The following CARD10 variants were observed in gnomAD, a reference collection of about 807,000 sequenced individuals.
The protein encoded by CARD10 is caspase recruitment domain family member 10.
A neutral mutation model predicts 114.6 loss-of-function variants in CARD10; 49 were observed. The observed-to-expected ratio is 0.43, with a 90% CI of 0.34 to 0.54. CARD10 has a LOEUF of 0.54. Among genes scored for constraint, CARD10 ranks in the 20% least tolerant of loss-of-function variants. The probability of loss-of-function intolerance (pLI) is 0.03; values close to 1 mark genes in which losing one functional copy is unlikely to be tolerated. For missense variants in CARD10, 1,206 were observed against 1,397.2 expected, an observed-to-expected ratio of 0.86 and a Z score of 2.18; for synonymous variants, 602 against 593.2, an observed-to-expected ratio of 1.01 and a Z score of -0.21.
Position 37,491,172 on chromosome 22 carries a change from C to T in CARD10, c.3086G>A (p.Ser1029Asn), listed in dbSNP as rs1311345436. The T allele has an allele frequency of 4.5e-6, 7 of 1,562,262 alleles. No homozygotes were observed. Among genetic ancestry groups the T allele is most frequent in the Non-Finnish European group, 6.1e-6 (7 of 1,154,846 alleles). ...ECGSSRGCPSSSEA is the reference protein window; with the variant it reads ...ECGSSRGCPSNSEA The stretch of plus-strand genomic sequence containing the variant: ...ATCAGATGAGCCTCAGGCCTCACTG[C>T]TGCTGGGGCAGCCTCTGCTGCTGCC... Residue 1029 changes from serine to asparagine, a missense_variant, in exon 20 of 20, where the codon AGC becomes AAC. Ser to Asn is a conservative substitution (Grantham distance 46). Transcript: ENST00000251973.
At position 37,506,322 on chromosome 22, in the gene CARD10, T is replaced by C; in HGVS notation, c.1253A>G (p.Gln418Arg). ...CAGGCCCCGCACCTGCTTGCGGTAC[T>C]GGTCCTTCTCGATGAGGCTCTGTGA... is the stretch of plus-strand genomic sequence containing the variant. ...QYSQSLIEKDQYRKQVRGLEA... is the reference protein window; with the variant it reads ...QYSQSLIEKDRYRKQVRGLEA... Residue 418 changes from glutamine (Q) to arginine (R), a missense_variant, in exon 7 of 20, where the codon CAG (glutamine) becomes CGG (arginine). By Grantham distance (43) the Gln-to-Arg change is conservative. Coordinates refer to ENST00000251973, the MANE Select transcript of CARD10 (RefSeq NM_014550.4). 6.2e-7 allele frequency: 1 copy of C among 1,609,654 alleles called. No homozygotes were observed. Among genetic ancestry groups the C allele is most frequent in the Non-Finnish European group, 8.5e-7 (1 of 1,177,922 alleles).
intron 16 of CARD10, among the ~76,000 whole-genome samples, chr22:37,493,627 T>C (rs1922886392): frequency 6.6e-6 from 1 of 151,858 alleles, no homozygotes; most frequent in African/African-American, 2.4e-5. Context: ...ACTCCCTCTC[T>C]TCCAGGAAGT....
Position 37,507,926 on chromosome 22 carries a change from A to G in CARD10, c.1094T>C (p.Leu365Pro). The change falls in exon 6 of 20, where the codon CTC becomes CCC. Residue 365 changes from leucine to proline, a missense_variant. Leu to Pro is a moderately conservative substitution (Grantham distance 98). Around this residue, in one of 2 missense-constraint regions of CARD10, gnomAD observed 1,068 missense variants for 1,179.1 expected, o/e 0.91. Coordinates refer to ENST00000251973, the MANE Select transcript of CARD10 (RefSeq NM_014550.4). ...QYLQEMEDLRLKHRTLQKDCD... is the reference protein window; with the variant it reads ...QYLQEMEDLRPKHRTLQKDCD... ...GTCCTTCTGCAGCGTGCGGTGCTTG[A>G]GCCGCAGGTCTTCCATCTCCTGCAG... 1 of 1,614,054 alleles carries G rather than the reference A, an allele frequency of 6.2e-7. No homozygotes were observed. The highest frequency in any genetic ancestry group is 8.5e-7 in the Non-Finnish European group (1 of 1,179,964).
chr22:37,513,229 G>A (rs1285361284), intron 3 of CARD10, among the ~76,000 whole-genome samples: 2 of 152,008 alleles, frequency 1.3e-5, no homozygotes, highest in Non-Finnish European at 2.9e-5. Flanking sequence ...TCCTGCCTCA[G>A]CCTCCCGAGT....
chr22:37,500,476 G>A (rs1392449496), intron 11 of CARD10, among the ~76,000 whole-genome samples: 1 of 149,836 alleles, frequency 6.7e-6, no homozygotes, highest in Non-Finnish European at 1.5e-5. Flanking sequence ...CCCAACCCCC[G>A]GTCTGCCCCA....
rs528121382 is a variant in CARD10, at chr22:37,503,978, C to G, written c.1634+208G>C. 6 of 706,366 alleles carry G rather than the reference C, an allele frequency of 8.5e-6. No homozygotes were observed. The East Asian group carries it at 1.4e-4, about 16-fold the overall frequency. The allele number at this position is 706,366 out of a possible 1,614,324, so 43.8% of individuals were successfully genotyped here. A position where few individuals can be genotyped will look rare whatever the true frequency, so the allele number is the denominator to read the frequency against. On this transcript the variant is annotated intron_variant, in intron 9 of 19. Coordinates refer to ENST00000251973, the MANE Select transcript of CARD10 (RefSeq NM_014550.4). ...GGATGCTTGGCTAGGACTGAGTTCG[C>G]TCTGCCCATCGGCCTTATCTTAAGC...
intron 5 of CARD10, 80 bp downstream of exon 5, chr22:37,508,441 CAAGCAG>C: frequency 7.3e-7 from 1 of 1,373,748 alleles, no homozygotes; most frequent in Non-Finnish European, 9.7e-7. Flanking sequence ...GCGCCTGCGT[CAAGCAG>C]ATGCTCAGGG....
chr22:37,504,447 G>A (rs1923333426), intron 8 of CARD10, 146 bp from the exon 9 acceptor site: 1 of 1,119,950 alleles, frequency 8.9e-7, no homozygotes, highest in Non-Finnish European at 1.2e-6. Context: ...TGTGCGGGTG[G>A]CTCCCCACGC....
chr22:37,506,408 C>G (rs749766189), intron 6 of CARD10, 25 bp from the exon 7 acceptor site: 1 of 1,515,294 alleles, frequency 6.6e-7, no homozygotes, highest in South Asian at 1.3e-5. Flanking sequence ...GGGGAGGCAG[C>G]AGCTGAAGGA....
intron 3 of CARD10, among the ~76,000 whole-genome samples, chr22:37,513,284 G>A (rs1923725749): frequency 6.6e-6 from 1 of 151,840 alleles, no homozygotes; most frequent in African/African-American, 2.4e-5. Flanking sequence ...CTAATTTTTT[G>A]TATTTTTAGT....
chr22:37,506,348 G>A lies in CARD10; in HGVS notation c.1227C>T (p.Tyr409=). The A allele has an allele frequency of 6.3e-7, 1 of 1,599,342 alleles. No individual in the cohort carries two copies. The highest frequency in any genetic ancestry group is 1.3e-5 in the African/African-American group (1 of 74,668). Residue 409 remains tyrosine (Y), a synonymous_variant, in exon 7 of 20, where the codon TAC becomes TAT. Transcript: ENST00000251973. ...GGTCCTTCTCGATGAGGCTCTGTGAGTACTGCAACTGGATCCGGTCACGGC... is the reference window on the plus strand; with the variant it reads ...GGTCCTTCTCGATGAGGCTCTGTGAATACTGCAACTGGATCCGGTCACGGC... The part of the protein sequence containing the change: ...IQSRDRIQLQ[Y]SQSLIEKDQY...
Position 37,491,356 on chromosome 22 carries a change from G to A in CARD10, c.2902C>T (p.Leu968=). 1 of 1,527,662 alleles carries A rather than the reference G, an allele frequency of 6.5e-7. No homozygotes were observed. 94.6% of individuals were successfully genotyped at this position (1,527,662 alleles called of 1,614,324 possible). A position where few individuals can be genotyped will look rare whatever the true frequency, so the allele number is the denominator to read the frequency against. The change falls in exon 20 of 20, where the codon CTG becomes TTG. Residue 968 remains leucine, a synonymous_variant. Transcript: ENST00000251973. ...LGRPGWRDSE[L]LRQCRGSEQV... ...TCTGAGCCACGGCACTGCCGCAGCA[G>A]CTCTGAGTCCCGCCAGCCCGGCCGG...
chr22:37,507,987 G>C (rs1483990233), intron 5 of CARD10, 33 bp from the exon 6 acceptor site: 12 of 1,612,440 alleles, frequency 7.4e-6, no homozygotes, highest in Non-Finnish European at 1.0e-5. Flanking sequence ...TCAGACCACA[G>C]GGCTGGGGAC....
rs1376284424 is a variant in CARD10 at position 37,490,770 on chromosome 22, G to T, written c.*389C>A. On this transcript the variant is annotated 3_prime_UTR_variant, in exon 20 of 20. Transcript: ENST00000251973. ...GCAGAACAGGCCCAGGTCCTCAGGA[G>T]ACCTCGTGCCCAGGGCAGCGGGACA... is the stretch of plus-strand genomic sequence containing the variant. 5.0e-6 allele frequency: 1 copy of T among 198,140 alleles called. No homozygotes were observed. The allele number at this position is 198,140 out of a possible 1,614,324, so 12.3% of individuals were successfully genotyped here. A position where few individuals can be genotyped will look rare whatever the true frequency, so the allele number is the denominator to read the frequency against.
intron 16 of CARD10, 95 bp downstream of exon 16, chr22:37,493,991 G>T: frequency 1.1e-6 from 1 of 944,944 alleles, no homozygotes; most frequent in Non-Finnish European, 1.7e-6. Flanking sequence ...GCCCTTCCAG[G>T]CCAAAGAGGC....
At chr22:37,498,699 C>G (rs958033291) in intron 11 of CARD10, among the ~76,000 whole-genome samples, 1 of 152,130 alleles carries the variant, frequency 6.6e-6, no homozygotes, top group African/African-American at 2.4e-5. Flanking sequence ...CTGGCTGCAT[C>G]GAGGTGGCAT....
At chr22:37,509,499 T>C (rs1292073312) in intron 4 of CARD10, among the ~76,000 whole-genome samples, 1 of 152,082 alleles carries the variant, frequency 6.6e-6, no homozygotes, top group Non-Finnish European at 1.5e-5. Flanking sequence ...CTCAGATCCC[T>C]GGTTCTGAAA....
rs749725348 is a variant in CARD10 at position 37,496,516 on chromosome 22, G to A, written c.1992C>T (p.Ala664=). 9.3e-6 allele frequency: 15 copies of A among 1,613,728 alleles called. No homozygotes were observed. Among genetic ancestry groups the A allele is most frequent in the East Asian group, 4.5e-5 (2 of 44,882 alleles). ...AGAGCAAGGTTCTCTGCTGGGCCTC[G>A]GCTTCCAGGCACGCCCCCTCCAGAC... ...AAGLEGACLE[A]EAQQRTLLWN... is the part of the protein sequence containing the mutation. The change falls in exon 13 of 20, where the codon GCC becomes GCT. Residue 664 remains alanine (A), a synonymous_variant. Transcript: ENST00000251973. This position sits in a 1 kb window ranked among gnomAD's most constrained non-coding sequence, Gnocchi z 4.1.
Position 37,492,823 on chromosome 22 carries a change from A to G in CARD10, c.2477-21T>C. ...CGGCTCTGTGGCAGGGGAGGGGCGC[A>G]AAAGAGATAAGGGCACAGGCAGGCA... is the stretch of plus-strand genomic sequence containing the variant. On this transcript the variant is annotated intron_variant, in intron 16 of 19. Transcript: ENST00000251973. The surrounding 1 kb of genome is among the most constrained non-coding windows in gnomAD (Gnocchi z 5.7). 6.2e-7 allele frequency: 1 copy of G among 1,605,350 alleles called. No individual in the cohort carries two copies. Among genetic ancestry groups the G allele is most frequent in the Non-Finnish European group, 8.5e-7 (1 of 1,178,346 alleles).
Sources: gnomAD v4.1 joint callset for allele counts (sites outside exome capture counted in the v4.1 genomes callset) on GRCh38, gnomAD v4.1.1 for gene constraint, gnomAD v4.1.1 regional missense constraint, Gnocchi (gnomAD v3.1) non-coding constraint, MANE v1.5 for transcripts, NCBI Gene and HGNC (gene_info 2026-07-23, HGNC 2026-07-21) for gene names.